Variants in DPP10 observed in about 807,000 individuals in gnomAD.
The protein encoded by DPP10 is dipeptidyl peptidase like 10.
A neutral mutation model predicts 120.9 loss-of-function variants in DPP10; 33 were observed. That is an observed-to-expected ratio of 0.27 (90% CI 0.21 to 0.37). The LOEUF (loss-of-function observed/expected upper bound fraction) is 0.37. Ranked by LOEUF, DPP10 falls within the 10% of genes least tolerant of loss-of-function variation. DPP10 has a pLI of 1.00. For missense variants in DPP10, 816 were observed against 942.8 expected, an observed-to-expected ratio of 0.87 and a Z score of 1.76; for synonymous variants, 337 against 326.1, an observed-to-expected ratio of 1.03 and a Z score of -0.36.
At position 114,505,239 on chromosome 2, in the gene DPP10, A is replaced by C. The variant is rs540633392; in HGVS notation, c.60+62401A>C. 3.3e-5 allele frequency among the ~76,000 whole-genome samples: 5 copies of C among 152,214 alleles called. No homozygotes were observed. The South Asian group carries it at 6.2e-4, about 19-fold the overall frequency. ...ATACCTTTTAGACAAAGAAAGGATA[A>C]ATTTTTAAAGAAATGATAAGACAAA... On this transcript the variant is annotated intron_variant, in intron 1 of 25. Coordinates refer to ENST00000410059, the MANE Select transcript of DPP10 (RefSeq NM_020868.6).
chr2:115,162,037 C>T (rs2104970049), intron 1 of DPP10: 1 of 1,413,598 alleles, frequency 7.1e-7, no homozygotes, highest in Non-Finnish European at 9.2e-7. Context: ...AGGTGAGAGT[C>T]GGCAGCCGCG....
At chr2:115,788,601 A>G (rs1683593641) in intron 17 of DPP10, among the ~76,000 whole-genome samples, 1 of 152,246 alleles carries the variant, frequency 6.6e-6, no homozygotes, top group South Asian at 2.1e-4. Context: ...ATAGTGGAAC[A>G]TTATACGTAA....
At position 115,309,749 on chromosome 2, in the gene DPP10, C is replaced by T. The variant is rs528922437; in HGVS notation, c.175+396C>T. On this transcript the variant is annotated intron_variant, in intron 2 of 25. Transcript: ENST00000410059. ...ACCCAACTGTATGGAAATGGAAAGA[C>T]AGGATTTGATGGAAAAAGATCAGAT... 3.3e-5 allele frequency among the ~76,000 whole-genome samples: 5 copies of T among 152,118 alleles called. No homozygotes were observed. The South Asian group carries it at 8.3e-4, about 25-fold the overall frequency.
chr2:114,907,545 C>T (rs879644586), intron 1 of DPP10, among the ~76,000 whole-genome samples: 6 of 152,088 alleles, frequency 3.9e-5, no homozygotes, highest in Non-Finnish European at 8.8e-5. Flanking sequence ...TATCTGTGAG[C>T]ATTGGTTACT....
At chr2:115,573,496 T>A (rs1347836129) in intron 5 of DPP10, among the ~76,000 whole-genome samples, 4 of 151,242 alleles carry the variant, frequency 2.6e-5, no homozygotes, top group African/African-American at 4.9e-5. Context: ...GTTAGCCAGG[T>A]TGGTCTCGAT....
intron 1 of DPP10, among the ~76,000 whole-genome samples, chr2:115,254,022 G>A (rs2105694163): frequency 6.6e-6 from 1 of 152,358 alleles, no homozygotes; most frequent in South Asian, 2.1e-4. Context: ...ATAAGTGGAA[G>A]CTCCCAAGCC....
At chr2:115,505,853 G>T (rs982807581) in intron 4 of DPP10, among the ~76,000 whole-genome samples, 1 of 152,060 alleles carries the variant, frequency 6.6e-6, no homozygotes, top group African/African-American at 2.4e-5. Flanking sequence ...ACTACAAAAA[G>T]ATGGGTATGG....
chr2:114,783,450 A>G (rs916243594), intron 1 of DPP10, among the ~76,000 whole-genome samples: 1 of 152,152 alleles, frequency 6.6e-6, no homozygotes, highest in Admixed American at 6.6e-5. Context: ...AAAACAATTT[A>G]CCTGTTCTCA....
At chr2:115,346,791 A>T (rs2106277059) in intron 3 of DPP10, among the ~76,000 whole-genome samples, 1 of 152,320 alleles carries the variant, frequency 6.6e-6, no homozygotes, top group Non-Finnish European at 1.5e-5. Context: ...ATGACATTAA[A>T]GTTAACCCCA....
At chr2:115,546,047 A>G (rs941587478) in intron 5 of DPP10, among the ~76,000 whole-genome samples, 1 of 152,136 alleles carries the variant, frequency 6.6e-6, no homozygotes, top group Non-Finnish European at 1.5e-5. Context: ...AGCAACGCCT[A>G]GATTTAGGAA....
intron 5 of DPP10, among the ~76,000 whole-genome samples, chr2:115,668,323 G>A (rs1281169033): frequency 6.6e-6 from 1 of 152,050 alleles, no homozygotes; most frequent in East Asian, 1.9e-4. Context: ...ACTTTTATAA[G>A]TGAATTAATG....
chr2:114,976,436 T>A (rs907951911), intron 1 of DPP10, among the ~76,000 whole-genome samples: 3 of 152,198 alleles, frequency 2.0e-5, no homozygotes, highest in African/African-American at 7.2e-5. Context: ...GGCAGGTAAT[T>A]TTTTCCCAAG....
At chr2:115,436,358 C>T (rs1259592644) in intron 3 of DPP10, among the ~76,000 whole-genome samples, 1 of 151,068 alleles carries the variant, frequency 6.6e-6, no homozygotes, top group Non-Finnish European at 1.5e-5. Flanking sequence ...TTTGGGATAT[C>T]ATTAACTCTT....
At chr2:115,468,090 T>C (rs2074443216) in intron 3 of DPP10, 2 of 459,608 alleles carry the variant, frequency 4.4e-6, no homozygotes, top group African/African-American at 2.0e-5. Flanking sequence ...AAAATGAAGG[T>C]AGAGGATGTC....
intron 2 of DPP10, among the ~76,000 whole-genome samples, chr2:115,320,518 G>C (rs978731539): frequency 6.7e-6 from 1 of 150,044 alleles, no homozygotes; most frequent in Non-Finnish European, 1.5e-5. Context: ...TGGTTATGTT[G>C]GTCATCATAA....
chr2:114,788,635 C>CATGT (rs1682977714), intron 1 of DPP10, among the ~76,000 whole-genome samples: 2 of 152,108 alleles, frequency 1.3e-5, no homozygotes, highest in South Asian at 4.1e-4. Context: ...GCCAGGAGAA[C>CATGT]ATGTACATTT....
intron 3 of DPP10, among the ~76,000 whole-genome samples, chr2:115,410,579 A>G (rs2068873573): frequency 6.6e-6 from 1 of 152,164 alleles, no homozygotes; most frequent in South Asian, 2.1e-4. Flanking sequence ...GGCACACGTT[A>G]ACCTGTGTAA....
intron 3 of DPP10, among the ~76,000 whole-genome samples, chr2:115,421,440 T>A (rs922682962): frequency 6.6e-6 from 1 of 152,170 alleles, no homozygotes; most frequent in Non-Finnish European, 1.5e-5. Context: ...TCCTGGAGTG[T>A]CAAACCTGAA....
intron 1 of DPP10, among the ~76,000 whole-genome samples, chr2:114,875,811 G>A (rs1017686138): frequency 2.6e-5 from 4 of 151,972 alleles, no homozygotes; most frequent in African/African-American, 9.7e-5. Flanking sequence ...AATTTAGAGA[G>A]ATACTTTAAT....
Sources: allele counts gnomAD v4.1 joint callset (sites outside exome capture counted in the v4.1 genomes callset), GRCh38; gene constraint gnomAD v4.1.1; transcripts MANE v1.5; gene names NCBI Gene and HGNC (gene_info 2026-07-23, HGNC 2026-07-21).